The following CLOCK variants were observed in gnomAD, a reference collection of about 807,000 sequenced individuals.
CLOCK encodes circadian locomoter output cycles protein kaput.
In CLOCK, 43 loss-of-function variants were observed where a neutral mutation model predicts 118.4. The observed-to-expected ratio is 0.36, with a 90% CI of 0.28 to 0.47. The LOEUF is 0.47. CLOCK is among the 20% of genes least tolerant of loss of function. The probability of loss-of-function intolerance (pLI) is 1.00; values close to 1 mark genes in which losing one functional copy is unlikely to be tolerated. For synonymous variants in CLOCK, 326 were observed against 339.2 expected, an observed-to-expected ratio of 0.96 and a Z score of 0.43; for missense variants, 846 against 999.9, an observed-to-expected ratio of 0.85 and a Z score of 2.08.
chr4:55,448,601 C>CGCGTGT lies in CLOCK; in HGVS notation c.1539+177_1539+178insACACGC, dbSNP rs764071880. On this transcript the variant is annotated intron_variant, in intron 18 of 22. Transcript: ENST00000513440. ...ATATATGTGCGCGCGCGCACGCGCG[C>CGCGTGT]GTGTGTGTGTGTGTGTGTGTGTGTG... 1.3e-3 allele frequency among the ~76,000 whole-genome samples: 157 copies of CGCGTGT among 117,018 alleles called. 1 individual carries two copies. The highest frequency in any genetic ancestry group is 5.2e-3 in the South Asian group (18 of 3,454). The allele number at this position is 117,018 out of a possible 152,430, so 76.8% of individuals were successfully genotyped here. A position where few individuals can be genotyped will look rare whatever the true frequency, so the allele number is the denominator to read the frequency against.
Position 55,438,434 on chromosome 4 carries a change from C to T in CLOCK, c.2209G>A (p.Ala737Thr). 1.2e-6 allele frequency: 2 copies of T among 1,613,852 alleles called. No homozygotes were observed. Among genetic ancestry groups the T allele is most frequent in the Non-Finnish European group, 1.7e-6 (2 of 1,179,994 alleles). ...STMLMGQVVT[A>T]YPTFATQQQQ... Reference sequence around the variant, plus strand: ...TGTTGTGTAGCAAAAGTAGGATATGCAGTCACCACCTGGCCCATAAGCATA... The same window carrying T: ...TGTTGTGTAGCAAAAGTAGGATATGTAGTCACCACCTGGCCCATAAGCATA... Residue 737 changes from alanine (A) to threonine (T), a missense_variant, in exon 22 of 23, where the codon GCA becomes ACA. Physicochemically the swap from Ala to Thr is moderately conservative, Grantham distance 58 (BLOSUM62 0). This residue lies in a region of CLOCK where 520 missense variants were observed against 558.0 expected (regional missense o/e 0.93). Transcript: ENST00000513440.
At chr4:55,441,887 A>G (rs1324045290) in intron 21 of CLOCK, among the ~76,000 whole-genome samples, 1 of 152,184 alleles carries the variant, frequency 6.6e-6, no homozygotes, top group Admixed American at 6.5e-5. Flanking sequence ...AAATGAAGAC[A>G]CCAAGGTCTG....
At chr4:55,458,286 T>C (rs1192381124) in intron 11 of CLOCK, among the ~76,000 whole-genome samples, 1 of 152,150 alleles carries the variant, frequency 6.6e-6, no homozygotes, top group Admixed American at 6.5e-5. Flanking sequence ...GGTCTCAAAC[T>C]ACTGGGCTCA....
At chr4:55,494,121 C>T (rs1727896663) in intron 2 of CLOCK, among the ~76,000 whole-genome samples, 1 of 152,134 alleles carries the variant, frequency 6.6e-6, no homozygotes, top group Non-Finnish European at 1.5e-5. Flanking sequence ...TACATCTGTC[C>T]TCAGCCCCAA....
chr4:55,542,367 A>AT (rs1560489903), intron 1 of CLOCK, among the ~76,000 whole-genome samples: 72 of 46,628 alleles, frequency 1.5e-3, no homozygotes, highest in South Asian at 0.012. Context: ...AATAATAATA[A>AT]TAATAATAAT....
chr4:55,451,439 T>G (rs758583705), intron 15 of CLOCK, among the ~76,000 whole-genome samples: 1 of 152,176 alleles, frequency 6.6e-6, no homozygotes, highest in Non-Finnish European at 1.5e-5. Context: ...CTCTTAATAT[T>G]GGAGTGCTCC....
intron 1 of CLOCK, among the ~76,000 whole-genome samples, chr4:55,528,758 G>C (rs1446690992): frequency 2.6e-5 from 4 of 152,196 alleles, no homozygotes; most frequent in Non-Finnish European, 5.9e-5. Flanking sequence ...AGTGTCACCT[G>C]TAGGTACAAA....
rs1722327482 is a variant in CLOCK, at chr4:55,428,507, G to A, written c.*6908C>T. On this transcript the variant is annotated 3_prime_UTR_variant, in exon 23 of 23. Transcript: ENST00000513440. ...CGGCAGAAGACAACAAATGGAAAAT[G>A]CCTTTCGTTTCTATAAATCATTTTG... The A allele has an allele frequency of 6.6e-6, 1 of 152,124 alleles. No homozygotes were observed. The highest frequency in any genetic ancestry group is 2.4e-5 in the African/African-American group (1 of 41,400). The allele number at this position is 152,124 out of a possible 1,614,324, so 9.4% of individuals were successfully genotyped here. A position where few individuals can be genotyped will look rare whatever the true frequency, so the allele number is the denominator to read the frequency against.
At chr4:55,496,933 T>C (rs12500162) in intron 2 of CLOCK, among the ~76,000 whole-genome samples, 51,409 of 152,106 alleles carry the variant, frequency 0.34, 9,387 homozygotes, top group East Asian at 0.58. Context: ...GAAAATCATA[T>C]TGTCATTCAC....
chr4:55,478,667 A>C, intron 6 of CLOCK, 148 bp downstream of exon 6: 2 of 745,400 alleles, frequency 2.7e-6, no homozygotes. Flanking sequence ...TGTTGAATGA[A>C]AGAATGAACA....
chr4:55,458,467 C>T (rs1725074666), intron 11 of CLOCK, among the ~76,000 whole-genome samples: 1 of 151,890 alleles, frequency 6.6e-6, no homozygotes, highest in Non-Finnish European at 1.5e-5. Context: ...TTGTTGGGTC[C>T]AGGAAATAAA....
At chr4:55,449,765 T>TA (rs1350115967) in intron 16 of CLOCK, among the ~76,000 whole-genome samples, 1 of 151,862 alleles carries the variant, frequency 6.6e-6, no homozygotes, top group East Asian at 1.9e-4. Flanking sequence ...GAGAAGACAA[T>TA]AAAAAACTTT....
In CLOCK at chr4:55,429,758, A is replaced by G. The variant is rs1327283227; in HGVS notation, c.*5657T>C. The G allele has an allele frequency of 6.6e-6, 1 of 152,198 alleles. No homozygotes were observed. The highest frequency in any genetic ancestry group is 1.5e-5 in the Non-Finnish European group (1 of 68,042). The allele number at this position is 152,198 out of a possible 1,614,324, so 9.4% of individuals were successfully genotyped here. A position where few individuals can be genotyped will look rare whatever the true frequency, so the allele number is the denominator to read the frequency against. ...CACAAAAAGTGCCCATAAAACAAAG[A>G]AGGCAGCAAGTGAAACTAGAAAAAG... On this transcript the variant is annotated 3_prime_UTR_variant, in exon 23 of 23. Coordinates refer to ENST00000513440, the MANE Select transcript of CLOCK (RefSeq NM_004898.4).
Position 55,458,969 on chromosome 4 carries a change from G to A in CLOCK, c.715C>T (p.Arg239Cys), listed in dbSNP as rs200911756. 7 of 1,613,864 alleles carry A rather than the reference G, an allele frequency of 4.3e-6. No homozygotes were observed. Among genetic ancestry groups the A allele is most frequent in the East Asian group, 4.5e-5 (2 of 44,832 alleles). ...TCTTCATAAGATGGCCTATGTGTGCGTTGTATAGTTCCTTCAAAACCATTG... is the reference window on the plus strand; with the variant it reads ...TCTTCATAAGATGGCCTATGTGTGCATTGTATAGTTCCTTCAAAACCATTG... ...AHNGFEGTIQ[R>C]THRPSYEDRV... The change falls in exon 11 of 23, where the codon CGC becomes TGC. Residue 239 changes from arginine (R) to cysteine (C), a missense_variant. By Grantham distance (180) the Arg-to-Cys change is radical. Around this residue, in one of 4 missense-constraint regions of CLOCK, gnomAD observed 246 missense variants for 300.2 expected, o/e 0.82. Transcript: ENST00000513440.
At chr4:55,459,287 C>T (rs767967513) in intron 9 of CLOCK, 26 bp from the exon 10 acceptor site, 2 of 1,340,408 alleles carry the variant, frequency 1.5e-6, no homozygotes, top group East Asian at 2.3e-5. Flanking sequence ...TTTTAAAAAT[C>T]ACATATTTCT....
chr4:55,459,837 T>C (rs1046143205), intron 9 of CLOCK, among the ~76,000 whole-genome samples: 1 of 152,060 alleles, frequency 6.6e-6, no homozygotes, highest in Non-Finnish European at 1.5e-5. Context: ...TAATTTTTAA[T>C]TTTTTATAGA....
chr4:55,539,572 CAAAAAAAAAAAAAA>C (rs57022769), intron 1 of CLOCK, among the ~76,000 whole-genome samples: 6 of 52,064 alleles, frequency 1.2e-4, no homozygotes, highest in East Asian at 6.7e-4. Flanking sequence ...GACCTTGTCT[CAAAAAAAAAAAAAA>C]AAAAAAAAAA....
At chr4:55,493,495 T>C (rs571361158) in intron 2 of CLOCK, among the ~76,000 whole-genome samples, 2 of 152,316 alleles carry the variant, frequency 1.3e-5, no homozygotes, top group Non-Finnish European at 2.9e-5. Flanking sequence ...TTACCACTTA[T>C]GAAAAATTCT....
In CLOCK at chr4:55,463,898, A is replaced by C; in HGVS notation, c.439-93T>G. 3 of 1,261,408 alleles carry C rather than the reference A, an allele frequency of 2.4e-6. No individual in the cohort carries two copies. The South Asian group carries it at 4.3e-5, about 18-fold the overall frequency. 78.1% of individuals were successfully genotyped at this position (1,261,408 alleles called of 1,614,324 possible). A position where few individuals can be genotyped will look rare whatever the true frequency, so the allele number is the denominator to read the frequency against. Reference sequence around the variant, plus strand: ...TAATCGCTATTAAACACAGCAGTTAACTTTCAATTATCTGTGAAAACCAAC... The same window carrying C: ...TAATCGCTATTAAACACAGCAGTTACCTTTCAATTATCTGTGAAAACCAAC... On this transcript the variant is annotated intron_variant, in intron 8 of 22. Transcript: ENST00000513440.
Sources: gnomAD v4.1 joint callset for allele counts (sites outside exome capture counted in the v4.1 genomes callset) on GRCh38, gnomAD v4.1.1 for gene constraint, gnomAD v4.1.1 regional missense constraint, MANE v1.5 for transcripts, NCBI Gene and HGNC (gene_info 2026-07-23, HGNC 2026-07-21) for gene names.